The following EP300 variants were observed in gnomAD, a reference collection of about 807,000 sequenced individuals.
EP300 encodes the protein EP300 lysine acetyltransferase.
EP300 carries 31 observed loss-of-function variants against 264.0 expected under a neutral mutation model. The observed-to-expected ratio is 0.12, with a 90% CI of 0.09 to 0.16. The LOEUF (loss-of-function observed/expected upper bound fraction) is 0.16, where lower values mean the gene tolerates loss of function less well. EP300 is among the 10% of genes least tolerant of loss of function. The pLI, the probability that EP300 is intolerant of heterozygous loss-of-function variation, is 1.00. For missense variants in EP300, 2,766 were observed against 3,052.9 expected (o/e 0.91, Z 2.21); for synonymous variants, 1,340 against 1,045.4 (o/e 1.28, Z -5.44).
At chr22:41,156,307 C>T (rs555285473) in intron 17 of EP300, among the ~76,000 whole-genome samples, 1 of 152,318 alleles carries the variant, frequency 6.6e-6, no homozygotes, top group South Asian at 2.1e-4. Flanking sequence ...GCCACCGCAC[C>T]CGGCCACTTT....
At chr22:41,094,856 T>C (rs934540546) in intron 1 of EP300, among the ~76,000 whole-genome samples, 7 of 152,210 alleles carry the variant, frequency 4.6e-5, no homozygotes, top group Non-Finnish European at 1.0e-4. Context: ...CAGTTTCGTC[T>C]TGGAGCTGTA....
At chr22:41,095,734 T>G (rs944915415) in intron 1 of EP300, among the ~76,000 whole-genome samples, 2 of 152,158 alleles carry the variant, frequency 1.3e-5, no homozygotes, top group Non-Finnish European at 2.9e-5. Context: ...TAGAACTGGT[T>G]GAAATAAGCC....
rs35506286 is a variant in EP300 at position 41,170,653 on chromosome 22, CTTTTTT to C, written c.4452+103_4452+108del. The C allele has an allele frequency of 2.6e-3, 1,004 of 391,132 alleles. 1 individual carries two copies. The highest frequency in any genetic ancestry group is 0.023 in the East Asian group (407 of 17,638). The allele number at this position is 391,132 out of a possible 1,614,324, so 24.2% of individuals were successfully genotyped here. On this transcript the variant is annotated intron_variant, in intron 27 of 30. Transcript: ENST00000263253. ...TGCTGCTCTTTGTTCTGTCATTTAA[CTTTTTT>C]TTTTTTTTTTTTTTTTTTTTGAGAC...
In EP300 at chr22:41,135,918, C is replaced by T. The variant is rs1189376092; in HGVS notation, c.1622+12C>T. On this transcript the variant is annotated intron_variant, in intron 7 of 30. Transcript: ENST00000263253. The stretch of plus-strand genomic sequence containing the variant: ...ATAAATTCTCAAAAGTAAGTCTTAA[C>T]GTGATTTATACCCTGGGTCACATTA... 22 of 1,582,342 alleles carry T rather than the reference C, an allele frequency of 1.4e-5. No individual in the cohort carries two copies. Among genetic ancestry groups the T allele is most frequent in the Middle Eastern group, 1.7e-4 (1 of 6,016 alleles).
Position 41,177,417 on chromosome 22 carries a change from A to T in EP300, c.5706A>T (p.Ala1902=), listed in dbSNP as rs2145517212. 1 of 1,614,162 alleles carries T rather than the reference A, an allele frequency of 6.2e-7. No individual in the cohort carries two copies. Among genetic ancestry groups the T allele is most frequent in the Non-Finnish European group, 8.5e-7 (1 of 1,180,030 alleles). The change falls in exon 31 of 31, where the codon GCA becomes GCT. Residue 1902 remains alanine, a synonymous_variant. Transcript: ENST00000263253. ...AAGPVSQGKA[A]GQVTPPTPPQ... ...GCCCTGTGTCCCAGGGTAAGGCAGCAGGCCAGGTGACCCCTCCAACCCCTC... is the reference window on the plus strand; with the variant it reads ...GCCCTGTGTCCCAGGGTAAGGCAGCTGGCCAGGTGACCCCTCCAACCCCTC...
intron 22 of EP300, among the ~76,000 whole-genome samples, chr22:41,164,696 CAG>C (rs2059125381): frequency 6.6e-6 from 1 of 152,156 alleles, no homozygotes; most frequent in South Asian, 2.1e-4. Context: ...GCCTGGGTGA[CAG>C]AGTGAGACTC....
rs971825049 is a variant in EP300, at chr22:41,125,939, G to A, written c.805G>A (p.Gly269Ser). The A allele has an allele frequency of 6.2e-7, 1 of 1,614,104 alleles. No homozygotes were observed. Among genetic ancestry groups the A allele is most frequent in the Non-Finnish European group, 8.5e-7 (1 of 1,180,002 alleles). Residue 269 changes from glycine (G) to serine (S), a missense_variant, in exon 3 of 31, where the codon GGC becomes AGC. Transcript: ENST00000263253. ...TCCTGGACAGCAGATTGGAGCCAGT[G>A]GCCTTGGTCTCCAGATTCAGACAAA... Reference protein sequence around the residue: ...QNPGQQIGASGLGLQIQTKTV... With the variant: ...QNPGQQIGASSLGLQIQTKTV...
chr22:41,173,920 T>C, intron 29 of EP300, 136 bp downstream of exon 29: 1 of 994,676 alleles, frequency 1.0e-6, no homozygotes, highest in Non-Finnish European at 1.6e-6. Context: ...AAGACCAGCC[T>C]GACCAACACG....
chr22:41,179,602 G>C lies in EP300; in HGVS notation c.*646G>C, dbSNP rs1370065351. 4.7e-6 allele frequency: 1 copy of C among 213,010 alleles called. No individual in the cohort carries two copies. The highest frequency in any genetic ancestry group is 6.8e-5 in the East Asian group (1 of 14,614). The allele number at this position is 213,010 out of a possible 1,614,324, so 13.2% of individuals were successfully genotyped here. A position where few individuals can be genotyped will look rare whatever the true frequency, so the allele number is the denominator to read the frequency against. Reference sequence around the variant, plus strand: ...TGTGCTCCAGAAAATTTTCTATTCTGTAAGTCTGAGCGTAAAACTTCAAGT... The same window carrying C: ...TGTGCTCCAGAAAATTTTCTATTCTCTAAGTCTGAGCGTAAAACTTCAAGT... On this transcript the variant is annotated 3_prime_UTR_variant, in exon 31 of 31. Transcript: ENST00000263253.
intron 3 of EP300, among the ~76,000 whole-genome samples, chr22:41,126,825 A>C (rs1462096754): frequency 1.5e-5 from 2 of 132,738 alleles, no homozygotes; most frequent in East Asian, 4.5e-4. Context: ...GCTCACTGCA[A>C]CTTCTCCCTC....
intron 14 of EP300, 75 bp downstream of exon 14, chr22:41,150,273 A>G (rs953160653): frequency 1.4e-6 from 2 of 1,472,258 alleles, no homozygotes; most frequent in East Asian, 2.5e-5. Context: ...GGCCATTTCC[A>G]TTCTCTTTTG....
At chr22:41,132,195 C>CAA (rs528307828) in intron 6 of EP300, among the ~76,000 whole-genome samples, 1 of 82,782 alleles carries the variant, frequency 1.2e-5, no homozygotes, top group Non-Finnish European at 2.5e-5. Context: ...GACTCCATCT[C>CAA]AAAAAAAAAA....
rs1296459711 is a variant in EP300, at chr22:41,149,272, A to ATTTTT, written c.2379+97_2379+98insTTTTT. ...AGAGAGTGGCAGCAAATAGTGGGTG[A>ATTTTT]AAACAGATGATTTTTTAAAAAATAA... On this transcript the variant is annotated intron_variant, in intron 13 of 30. Transcript: ENST00000263253. 24 of 1,402,256 alleles carry ATTTTT rather than the reference A, an allele frequency of 1.7e-5. No homozygotes were observed. In the African/African-American group the frequency reaches 3.1e-4, roughly 18 times the overall value. The allele number at this position is 1,402,256 out of a possible 1,614,324, so 86.9% of individuals were successfully genotyped here.
chr22:41,106,610 T>C (rs1016246190), intron 1 of EP300, among the ~76,000 whole-genome samples: 7 of 152,174 alleles, frequency 4.6e-5, no homozygotes, highest in Non-Finnish European at 8.8e-5. Flanking sequence ...ACGTGTCCAC[T>C]CTTTAAAAAC....
rs1227352702 is a variant in EP300 at position 41,168,596 on chromosome 22, C to T, written c.4022C>T (p.Ala1341Val). ...GTGGAAGTAAAACCAGGCATGAAAG[C>T]AAGGTATCTAGTCATTTCACTTTTC... is the stretch of plus-strand genomic sequence containing the variant. ...KTVEVKPGMK[A>V]RFVDSGEMAE... Residue 1341 changes from alanine to valine, a missense_variant, in exon 24 of 31, where the codon GCA (alanine) becomes GTA (valine). Ala to Val is a moderately conservative substitution (Grantham distance 64). Coordinates refer to ENST00000263253, the MANE Select transcript of EP300 (RefSeq NM_001429.4). 1.2e-6 allele frequency: 2 copies of T among 1,614,056 alleles called. No homozygotes were observed. The highest frequency in any genetic ancestry group is 1.7e-6 in the Non-Finnish European group (2 of 1,180,044).
At chr22:41,148,882 T>C (rs1472164649) in intron 12 of EP300, 156 bp from the exon 13 acceptor site, 4 of 910,170 alleles carry the variant, frequency 4.4e-6, no homozygotes, top group Non-Finnish European at 6.7e-6. Context: ...TTCTACAACT[T>C]TCTTCCTTCT....
At position 41,125,897 on chromosome 22, in the gene EP300, T is replaced by A. The variant is rs763471903; in HGVS notation, c.763T>A (p.Ser255Thr). ...GATGAACAACCCCAATCCTTATGGT[T>A]CACCATATACTCAGAATCCTGGACA... The part of the protein sequence containing the change: ...GMMNNPNPYG[S>T]PYTQNPGQQI... The change falls in exon 3 of 31, where the codon TCA (serine) becomes ACA (threonine). Residue 255 changes from serine (S) to threonine (T), a missense_variant. Ser to Thr is a moderately conservative substitution (Grantham distance 58). Transcript: ENST00000263253. 3 of 1,614,090 alleles carry A rather than the reference T, an allele frequency of 1.9e-6. No homozygotes were observed. The highest frequency in any genetic ancestry group is 2.5e-6 in the Non-Finnish European group (3 of 1,180,036).
intron 20 of EP300, among the ~76,000 whole-genome samples, chr22:41,161,604 G>A (rs1019070004): frequency 2.0e-5 from 3 of 152,122 alleles, no homozygotes; most frequent in African/African-American, 4.8e-5. Context: ...GCGACAGAGC[G>A]AGAGTCTGTC....
chr22:41,106,393 TC>T, intron 1 of EP300, among the ~76,000 whole-genome samples: 1 of 152,184 alleles, frequency 6.6e-6, no homozygotes, highest in Non-Finnish European at 1.5e-5. Flanking sequence ...TTTAAAAAAT[TC>T]CAAATCTCTA....
Sources: gnomAD v4.1 joint callset for allele counts (sites outside exome capture counted in the v4.1 genomes callset) on GRCh38, gnomAD v4.1.1 for gene constraint, MANE v1.5 for transcripts, NCBI Gene and HGNC (gene_info 2026-07-23, HGNC 2026-07-21) for gene names.